SLC25A13: variants seen among roughly 807,000 people sequenced by gnomAD.
SLC25A13 encodes electrogenic aspartate/glutamate antiporter SLC25A13, mitochondrial.
A neutral mutation model predicts 85.5 loss-of-function variants in SLC25A13; 70 were observed. The ratio of observed to expected loss-of-function variants is 0.82; its 90% CI spans 0.68 to 1.00. The LOEUF is 1.00. Among genes scored for constraint, SLC25A13 ranks in the 50% least tolerant of loss-of-function variants. The pLI is 0.00. For synonymous variants in SLC25A13, 259 were observed against 288.7 expected, an observed-to-expected ratio of 0.90 and a Z score of 1.04; for missense variants, 765 against 819.8, an observed-to-expected ratio of 0.93 and a Z score of 0.82.
At chr7:96,276,577 C>T (rs114975085) in intron 3 of SLC25A13, among the ~76,000 whole-genome samples, 2,026 of 152,242 alleles carry the variant, frequency 0.013, 40 homozygotes, top group African/African-American at 0.047. Context: ...GAGCCAAGAT[C>T]ATGCCACTGT....
chr7:96,172,312 C>A (rs1794035777), intron 11 of SLC25A13, among the ~76,000 whole-genome samples: 1 of 152,152 alleles, frequency 6.6e-6, no homozygotes. Flanking sequence ...AATCCCAACA[C>A]TTTGGGAGGC....
At chr7:96,192,844 C>T (rs867703817) in intron 6 of SLC25A13, among the ~76,000 whole-genome samples, 193 bp downstream of exon 6, 1 of 151,934 alleles carries the variant, frequency 6.6e-6, no homozygotes, top group African/African-American at 2.4e-5. Flanking sequence ...TCCGTATTAC[C>T]CAGACAACAA....
chr7:96,122,590 G>C (rs1397933012), intron 15 of SLC25A13, among the ~76,000 whole-genome samples: 8 of 152,042 alleles, frequency 5.3e-5, no homozygotes, highest in African/African-American at 1.9e-4. Context: ...TTTCGGGGAG[G>C]GGGTGAAATT....
chr7:96,236,892 A>C (rs1247561802), intron 3 of SLC25A13, among the ~76,000 whole-genome samples: 1 of 152,246 alleles, frequency 6.6e-6, no homozygotes, highest in African/African-American at 2.4e-5. Context: ...GGTTGGAACC[A>C]ACATAGCTGA....
intron 9 of SLC25A13, among the ~76,000 whole-genome samples, chr7:96,187,431 T>G (rs1378190654): frequency 6.6e-6 from 1 of 152,230 alleles, no homozygotes; most frequent in East Asian, 1.9e-4. Context: ...AAAACATTTC[T>G]TTTGCAAATT....
At chr7:96,190,346 C>T (rs913979710) in intron 7 of SLC25A13, among the ~76,000 whole-genome samples, 1 of 152,012 alleles carries the variant, frequency 6.6e-6, no homozygotes, top group Non-Finnish European at 1.5e-5. Context: ...CCGCCTCGGC[C>T]TCCCAAAGTG....
intron 13 of SLC25A13, among the ~76,000 whole-genome samples, chr7:96,152,764 A>C (rs558530110): frequency 6.6e-6 from 1 of 152,168 alleles, no homozygotes; most frequent in Non-Finnish European, 1.5e-5. Flanking sequence ...TCTGCTATAC[A>C]CCGGTGGTAC....
intron 1 of SLC25A13, among the ~76,000 whole-genome samples, chr7:96,315,014 T>C (rs1311435499): frequency 6.6e-6 from 1 of 152,122 alleles, no homozygotes; most frequent in Non-Finnish European, 1.5e-5. Flanking sequence ...GCACCTTCTC[T>C]GATCACAAAA....
chr7:96,128,075 C>A (rs138608069), intron 15 of SLC25A13, among the ~76,000 whole-genome samples: 3 of 152,316 alleles, frequency 2.0e-5, no homozygotes, highest in Non-Finnish European at 4.4e-5. Flanking sequence ...TCTGCCTGAG[C>A]ATCTCAGCAA....
chr7:96,176,559 G>T (rs1469226698), intron 11 of SLC25A13, among the ~76,000 whole-genome samples: 1 of 152,028 alleles, frequency 6.6e-6, no homozygotes, highest in Non-Finnish European at 1.5e-5. Context: ...ACATTTCATG[G>T]GTTGGAGATA....
At chr7:96,286,593 T>G (rs1798895919) in intron 2 of SLC25A13, among the ~76,000 whole-genome samples, 1 of 152,202 alleles carries the variant, frequency 6.6e-6, no homozygotes, top group African/African-American at 2.4e-5. Flanking sequence ...CACCATCTTC[T>G]GCTAATTAAT....
At chr7:96,304,944 A>G (rs1476154640) in intron 1 of SLC25A13, among the ~76,000 whole-genome samples, 2 of 152,238 alleles carry the variant, frequency 1.3e-5, no homozygotes, top group African/African-American at 4.8e-5. Context: ...TAATTCTGCT[A>G]AAGTTGAGGG....
At chr7:96,144,677 G>A (rs984333679) in intron 14 of SLC25A13, among the ~76,000 whole-genome samples, 1 of 152,144 alleles carries the variant, frequency 6.6e-6, no homozygotes, top group Non-Finnish European at 1.5e-5. Context: ...TACCATGGTT[G>A]GCAGCCTCTA....
chr7:96,279,155 A>G (rs1188885671), intron 2 of SLC25A13, among the ~76,000 whole-genome samples: 2 of 152,204 alleles, frequency 1.3e-5, no homozygotes, highest in African/African-American at 2.4e-5. Context: ...TGCTCTCCGG[A>G]AAAGATTGTA....
At chr7:96,208,769 T>G (rs1795563866) in intron 5 of SLC25A13, 69 bp downstream of exon 5, 1 of 1,585,520 alleles carries the variant, frequency 6.3e-7, no homozygotes, top group Admixed American at 1.7e-5. Flanking sequence ...CCTCCCAAAG[T>G]GCTAGGATTA....
At chr7:96,321,502 T>A (rs190733282) in intron 1 of SLC25A13, among the ~76,000 whole-genome samples, 1,544 of 152,204 alleles carry the variant, frequency 0.01, 12 homozygotes, top group Non-Finnish European at 0.014. Context: ...CGTAATAGGA[T>A]CAGGCTTCAG....
chr7:96,261,297 C>G (rs1797844310), intron 3 of SLC25A13, among the ~76,000 whole-genome samples: 1 of 152,098 alleles, frequency 6.6e-6, no homozygotes, highest in Admixed American at 6.6e-5. Context: ...TATATAAAAG[C>G]ACACTGTTTA....
At chr7:96,320,036 G>C (rs1478170150) in intron 1 of SLC25A13, among the ~76,000 whole-genome samples, 2 of 152,204 alleles carry the variant, frequency 1.3e-5, no homozygotes, top group African/African-American at 2.4e-5. Context: ...ACAGGGTCTT[G>C]CTCTGTTGCC....
At chr7:96,143,029 C>T (rs145079370) in intron 14 of SLC25A13, among the ~76,000 whole-genome samples, 2 of 152,300 alleles carry the variant, frequency 1.3e-5, no homozygotes, top group Middle Eastern at 3.4e-3. Context: ...CTAAGTGACC[C>T]TCCAAGGTAG....
Sources: gnomAD v4.1 joint callset for allele counts (sites outside exome capture counted in the v4.1 genomes callset) on GRCh38, gnomAD v4.1.1 for gene constraint, MANE v1.5 for transcripts, NCBI Gene and HGNC (gene_info 2026-07-23, HGNC 2026-07-21) for gene names.